DSCAM: variants seen among roughly 807,000 people sequenced by gnomAD.
DSCAM encodes cell adhesion molecule DSCAM.
In DSCAM, 47 loss-of-function variants were observed where a neutral mutation model predicts 217.7. That is an observed-to-expected ratio of 0.22 (90% confidence interval 0.17 to 0.28). The LOEUF (loss-of-function observed/expected upper bound fraction) is 0.28, where lower values mean the gene tolerates loss of function less well. Ranked by LOEUF, DSCAM falls within the 10% of genes least tolerant of loss-of-function variation. DSCAM has a pLI of 1.00. For synonymous variants in DSCAM, 1,056 were observed against 1,015.3 expected (o/e 1.04, Z -0.76); for missense variants, 2,080 against 2,618.3 (o/e 0.79, Z 4.49).
At chr21:40,639,687 G>A (rs112964446) in intron 3 of DSCAM, among the ~76,000 whole-genome samples, 1,677 of 121,046 alleles carry the variant, frequency 0.014, 42 homozygotes, top group African/African-American at 0.046. Context: ...GTATGTGTGT[G>A]CATGTGTGTG....
At chr21:40,337,283 T>C (rs2074438493) in intron 8 of DSCAM, among the ~76,000 whole-genome samples, 1 of 152,190 alleles carries the variant, frequency 6.6e-6, no homozygotes, top group Non-Finnish European at 1.5e-5. Context: ...TCAATGTGGC[T>C]AGAAGCAACA....
chr21:40,302,691 G>C (rs913839285), intron 9 of DSCAM, among the ~76,000 whole-genome samples: 2 of 152,150 alleles, frequency 1.3e-5, no homozygotes, highest in African/African-American at 2.4e-5. Flanking sequence ...AGAACAATTT[G>C]ATATATATTC....
intron 3 of DSCAM, among the ~76,000 whole-genome samples, chr21:40,660,421 CAAT>C (rs1431096861): frequency 2.6e-5 from 4 of 152,096 alleles, no homozygotes; most frequent in South Asian, 4.1e-4. Context: ...GTAACAACAA[CAAT>C]AACACCCATC....
chr21:40,420,702 T>C (rs528404026), intron 3 of DSCAM, among the ~76,000 whole-genome samples: 7 of 152,196 alleles, frequency 4.6e-5, no homozygotes, highest in Non-Finnish European at 1.0e-4. Context: ...CTGGTATCTT[T>C]ATACAAAGGG....
chr21:40,487,767 A>G (rs540631803), intron 3 of DSCAM, among the ~76,000 whole-genome samples: 2 of 152,240 alleles, frequency 1.3e-5, no homozygotes, highest in South Asian at 2.1e-4. Flanking sequence ...AAGCTGCTTG[A>G]GGGTGAGGGC....
intron 3 of DSCAM, among the ~76,000 whole-genome samples, chr21:40,495,003 A>G (rs1352633972): frequency 6.6e-6 from 1 of 152,184 alleles, no homozygotes; most frequent in Non-Finnish European, 1.5e-5. Flanking sequence ...AAACAGATAA[A>G]TATCTAGACA....
chr21:40,351,917 T>A lies in DSCAM; in HGVS notation c.934+1548A>T, dbSNP rs1162343824. 2.6e-5 allele frequency among the ~76,000 whole-genome samples: 4 copies of A among 152,210 alleles called. No individual in the cohort carries two copies. In the East Asian group the frequency reaches 7.8e-4, roughly 29 times the overall value. On this transcript the variant is annotated intron_variant, in intron 5 of 32. Coordinates refer to ENST00000400454, the MANE Select transcript of DSCAM (RefSeq NM_001389.5). ...TAGATAACCAAGTATTGGGAAATAA[T>A]CTTCCATGTGGAGGAAGCAACATAA... is the stretch of plus-strand genomic sequence containing the variant.
intron 1 of DSCAM, among the ~76,000 whole-genome samples, chr21:40,777,961 T>C (rs2123414731): frequency 6.6e-6 from 1 of 152,206 alleles, no homozygotes; most frequent in Admixed American, 6.5e-5. Context: ...CCAACAGCAC[T>C]AATGAAAGCT....
chr21:40,342,649 T>TATATATATATATATATATATATA (rs1555907253), intron 6 of DSCAM, among the ~76,000 whole-genome samples: 3 of 38,986 alleles, frequency 7.7e-5, no homozygotes, highest in African/African-American at 1.4e-4. Flanking sequence ...TATATATATA[T>TATATATATATATATATATATATA]TTTTTTTTTT....
In DSCAM at chr21:40,541,607, T is replaced by TTG. The variant is rs547166251; in HGVS notation, c.508+151201_508+151202dup. The stretch of plus-strand genomic sequence containing the variant: ...TAATATATCACATATATGTGTATAT[T>TTG]TGTGTGTGTGTGTGGTCTATACACA... On this transcript the variant is annotated intron_variant, in intron 3 of 32. Coordinates refer to ENST00000400454, the MANE Select transcript of DSCAM (RefSeq NM_001389.5). Among the ~76,000 whole-genome samples the TTG allele has an allele frequency of 6.1e-4, 92 of 151,848 alleles. 2 individuals are homozygous for TTG. The South Asian group carries it at 0.016, about 26-fold the overall frequency.
At chr21:40,618,882 G>A (rs899096362) in intron 3 of DSCAM, 7 of 152,304 alleles carry the variant, frequency 4.6e-5, no homozygotes, top group African/African-American at 1.4e-4. Context: ...GAGGTGGAAG[G>A]GACAACATGG....
intron 3 of DSCAM, among the ~76,000 whole-genome samples, chr21:40,489,115 G>C (rs2076053734): frequency 1.3e-5 from 2 of 152,174 alleles, no homozygotes; most frequent in South Asian, 4.1e-4. Flanking sequence ...TAGGCCACAG[G>C]GGGCCCAGGC....
At chr21:40,539,504 G>T (rs1451688043) in intron 3 of DSCAM, among the ~76,000 whole-genome samples, 1 of 145,474 alleles carries the variant, frequency 6.9e-6, no homozygotes, top group Non-Finnish European at 1.5e-5. Flanking sequence ...TCAAAAAAAA[G>T]AAAAAGAAAA....
At chr21:40,138,518 G>C (rs759723482) in intron 18 of DSCAM, among the ~76,000 whole-genome samples, 7 of 147,704 alleles carry the variant, frequency 4.7e-5, no homozygotes, top group Non-Finnish European at 9.0e-5. Context: ...TATGTATGCG[G>C]AGTGTGTGTG....
intron 3 of DSCAM, among the ~76,000 whole-genome samples, chr21:40,479,820 G>A (rs142823279): frequency 7.8e-4 from 118 of 152,246 alleles, no homozygotes; most frequent in African/African-American, 2.6e-3. Flanking sequence ...TCTGTCAGCA[G>A]TAAAAATGAA....
At chr21:40,122,400 T>C (rs894706211) in intron 20 of DSCAM, among the ~76,000 whole-genome samples, 8 of 152,222 alleles carry the variant, frequency 5.3e-5, no homozygotes, top group African/African-American at 1.4e-4. Flanking sequence ...AGAGCAACCG[T>C]GAATCCCATA....
At chr21:40,635,622 T>TGA (rs2089748321) in intron 3 of DSCAM, among the ~76,000 whole-genome samples, 1 of 152,106 alleles carries the variant, frequency 6.6e-6, no homozygotes, top group African/African-American at 2.4e-5. Flanking sequence ...GACTGTGGAT[T>TGA]GAGAATGTGT....
intron 28 of DSCAM, among the ~76,000 whole-genome samples, chr21:40,060,164 A>AT (rs1374344248): frequency 7.2e-5 from 11 of 152,196 alleles, no homozygotes; most frequent in African/African-American, 2.7e-4. Flanking sequence ...AGTGGTTGTG[A>AT]TTACTGGCTT....
chr21:40,503,995 T>C (rs1048026598), intron 3 of DSCAM, among the ~76,000 whole-genome samples: 2 of 152,206 alleles, frequency 1.3e-5, no homozygotes, highest in Admixed American at 6.5e-5. Flanking sequence ...AGAAAGATGC[T>C]ATTGGATATT....
Sources: gnomAD v4.1 joint callset for allele counts (sites outside exome capture counted in the v4.1 genomes callset) on GRCh38, gnomAD v4.1.1 for gene constraint, MANE v1.5 for transcripts, NCBI Gene and HGNC (gene_info 2026-07-23, HGNC 2026-07-21) for gene names.